SDHB: variants seen among roughly 807,000 people sequenced by gnomAD.
SDHB encodes succinate dehydrogenase complex iron sulfur subunit B, also known as succinate dehydrogenase [ubiquinone] iron-sulfur subunit, mitochondrial.
In SDHB, 21 loss-of-function variants were observed where a neutral mutation model predicts 39.7. That is an observed-to-expected ratio of 0.53 (90% CI 0.37 to 0.76). The LOEUF is 0.76. SDHB is among the 30% of genes least tolerant of loss of function. The probability of loss-of-function intolerance (pLI) is 0.00; values close to 1 mark genes in which losing one functional copy is unlikely to be tolerated. For synonymous variants in SDHB, 118 were observed against 117.0 expected (o/e 1.01, Z -0.06); for missense variants, 343 against 350.9 (o/e 0.98, Z 0.18).
chr1:17,047,016 CA>C (rs1384862284), intron 1 of SDHB, among the ~76,000 whole-genome samples: 1 of 152,150 alleles, frequency 6.6e-6, no homozygotes, highest in Non-Finnish European at 1.5e-5. Context: ...CGTGCCTGGC[CA>C]ACCTTTTTAT....
At chr1:17,048,422 T>C (rs1274261472) in intron 1 of SDHB, among the ~76,000 whole-genome samples, 2 of 152,006 alleles carry the variant, frequency 1.3e-5, no homozygotes, top group Non-Finnish European at 2.9e-5. Context: ...TAATTTTTGG[T>C]GACATGAATA....
intron 1 of SDHB, among the ~76,000 whole-genome samples, chr1:17,049,066 C>A (rs1557747997): frequency 6.6e-6 from 1 of 152,088 alleles, no homozygotes; most frequent in Non-Finnish European, 1.5e-5. Context: ...GGCTGGAGAT[C>A]ATGGCTCACT....
intron 2 of SDHB, among the ~76,000 whole-genome samples, chr1:17,038,587 T>C (rs974340062): frequency 6.6e-6 from 1 of 152,228 alleles, no homozygotes; most frequent in Non-Finnish European, 1.5e-5. Context: ...GGCTAGAACC[T>C]TCAGTACAAT....
intron 1 of SDHB, among the ~76,000 whole-genome samples, chr1:17,050,685 T>C (rs1240129313): frequency 6.6e-6 from 1 of 151,290 alleles, no homozygotes. Flanking sequence ...TTTCATACAA[T>C]ATTTGGTGGG....
intron 1 of SDHB, 116 bp from the exon 2 acceptor site, chr1:17,045,004 A>C: frequency 1.1e-6 from 1 of 885,624 alleles, no homozygotes; most frequent in Non-Finnish European, 1.8e-6. Flanking sequence ...ACTGACACAT[A>C]ATCTTCTTAG....
chr1:17,048,125 C>G (rs1205617728), intron 1 of SDHB, among the ~76,000 whole-genome samples: 1 of 152,198 alleles, frequency 6.6e-6, no homozygotes, highest in Non-Finnish European at 1.5e-5. Flanking sequence ...ATAGCCCTGT[C>G]CACTTCCTCC....
intron 3 of SDHB, among the ~76,000 whole-genome samples, chr1:17,031,556 G>C (rs2078022895): frequency 6.6e-6 from 1 of 152,090 alleles, no homozygotes; most frequent in African/African-American, 2.4e-5. Context: ...TTTAACTGCC[G>C]CAGAATGTTC....
intron 3 of SDHB, among the ~76,000 whole-genome samples, chr1:17,032,294 G>T (rs1182847603): frequency 6.6e-6 from 1 of 151,464 alleles, no homozygotes; most frequent in Non-Finnish European, 1.5e-5. Context: ...CACCTCCCGG[G>T]TTCCTGCCTC....
chr1:17,026,734 GAATT>G (rs1391966188), intron 5 of SDHB, among the ~76,000 whole-genome samples: 2 of 152,116 alleles, frequency 1.3e-5, no homozygotes, highest in Non-Finnish European at 2.9e-5. Context: ...TCAAAAGGTA[GAATT>G]AATTTATTCA....
At position 17,037,275 on chromosome 1, in the gene SDHB, T is replaced by A. The variant is rs2101533556; in HGVS notation, c.201-4130A>T. On this transcript the variant is annotated intron_variant, in intron 2 of 7. Coordinates refer to ENST00000375499, the MANE Select transcript of SDHB (RefSeq NM_003000.3). ...GAATTTGTTCATTAGTTCTAATAGTTCCTAGGGGGCAATGTCTTATATTTT... is the reference window on the plus strand; with the variant it reads ...GAATTTGTTCATTAGTTCTAATAGTACCTAGGGGGCAATGTCTTATATTTT... 2.6e-5 allele frequency among the ~76,000 whole-genome samples: 4 copies of A among 152,004 alleles called. No homozygotes were observed. The South Asian group carries it at 8.3e-4, about 32-fold the overall frequency.
intron 4 of SDHB, 63 bp from the exon 5 acceptor site, chr1:17,027,928 A>C: frequency 1.0e-6 from 1 of 991,568 alleles, no homozygotes; most frequent in Non-Finnish European, 1.6e-6. Context: ...TCATCACCTC[A>C]GCTTTATTTA....
intron 5 of SDHB, among the ~76,000 whole-genome samples, chr1:17,026,432 T>C (rs2077991342): frequency 6.6e-6 from 1 of 152,158 alleles, no homozygotes; most frequent in Non-Finnish European, 1.5e-5. Context: ...TGGCACAACC[T>C]TGGCTCACTG....
chr1:17,036,483 T>C (rs1324254429), intron 2 of SDHB, among the ~76,000 whole-genome samples: 1 of 151,930 alleles, frequency 6.6e-6, no homozygotes, highest in Admixed American at 6.6e-5. Flanking sequence ...CCAGCTAACT[T>C]TTTTTGTAGA....
At chr1:17,023,513 G>A (rs1397644987) in intron 6 of SDHB, among the ~76,000 whole-genome samples, 1 of 152,238 alleles carries the variant, frequency 6.6e-6, no homozygotes, top group Non-Finnish European at 1.5e-5. Flanking sequence ...TTTCTTTGCA[G>A]TGAACATCAA....
intron 2 of SDHB, among the ~76,000 whole-genome samples, chr1:17,044,497 G>C (rs965321715): frequency 6.6e-6 from 1 of 152,046 alleles, no homozygotes; most frequent in African/African-American, 2.4e-5. Flanking sequence ...GCTAATTTCT[G>C]TATTTTTAGT....
intron 1 of SDHB, among the ~76,000 whole-genome samples, chr1:17,053,219 C>A (rs879625213): frequency 6.6e-6 from 1 of 152,152 alleles, no homozygotes; most frequent in Non-Finnish European, 1.5e-5. Flanking sequence ...TTACTGCACA[C>A]GGCATAGTAA....
intron 5 of SDHB, among the ~76,000 whole-genome samples, chr1:17,025,592 T>C (rs995840525): frequency 6.6e-6 from 1 of 152,124 alleles, no homozygotes; most frequent in Non-Finnish European, 1.5e-5. Flanking sequence ...AAAGTTTTTG[T>C]AGAGACAGGG....
At chr1:17,041,388 C>T (rs887658340) in intron 2 of SDHB, among the ~76,000 whole-genome samples, 4 of 151,674 alleles carry the variant, frequency 2.6e-5, no homozygotes, top group African/African-American at 7.3e-5. Context: ...CTTTAAATTC[C>T]ACTGGGCGCG....
chr1:17,034,176 G>GTC (rs1238825731), intron 2 of SDHB, among the ~76,000 whole-genome samples: 1 of 151,858 alleles, frequency 6.6e-6, no homozygotes, highest in African/African-American at 2.4e-5. Context: ...TTGAGACGGG[G>GTC]TCTTGCTCTG....
Sources: gnomAD v4.1 joint callset for allele counts (sites outside exome capture counted in the v4.1 genomes callset) on GRCh38, gnomAD v4.1.1 for gene constraint, MANE v1.5 for transcripts, NCBI Gene and HGNC (gene_info 2026-07-23, HGNC 2026-07-21) for gene names.